Variants in PPP3R1 observed in about 807,000 individuals in gnomAD.
PPP3R1 encodes protein phosphatase 3 regulatory subunit B, alpha.
A neutral mutation model predicts 22.6 loss-of-function variants in PPP3R1; 5 were observed. The ratio of observed to expected loss-of-function variants is 0.22; its 90% CI spans 0.12 to 0.46. The LOEUF is 0.46. Ranked by LOEUF, PPP3R1 falls within the 20% of genes least tolerant of loss-of-function variation. The pLI, the probability that PPP3R1 is intolerant of heterozygous loss-of-function variation, is 0.99. For missense variants in PPP3R1, 61 were observed against 203.2 expected (o/e 0.30, Z 4.25); for synonymous variants, 56 against 65.2 (o/e 0.86, Z 0.68).
At chr2:68,187,419 C>G in intron 3 of PPP3R1, 105 bp from the exon 4 acceptor site, 1 of 966,512 alleles carries the variant, frequency 1.0e-6, no homozygotes, top group Non-Finnish European at 1.6e-6. Flanking sequence ...TGCTGCAAAA[C>G]AGAAGTACTA....
intron 5 of PPP3R1, among the ~76,000 whole-genome samples, chr2:68,185,283 T>TA (rs1674511544): frequency 1.3e-5 from 2 of 150,014 alleles, no homozygotes; most frequent in African/African-American, 4.9e-5. Context: ...ACTCGAAACT[T>TA]AGCTTATGTC....
At chr2:68,239,605 G>A (rs1572977201) in intron 1 of PPP3R1, among the ~76,000 whole-genome samples, 1 of 152,102 alleles carries the variant, frequency 6.6e-6, no homozygotes, top group Non-Finnish European at 1.5e-5. Flanking sequence ...GACTGGAGAA[G>A]AGAACGATGT....
intron 2 of PPP3R1, among the ~76,000 whole-genome samples, chr2:68,189,593 C>T (rs1468153674): frequency 6.6e-6 from 1 of 152,088 alleles, no homozygotes; most frequent in Non-Finnish European, 1.5e-5. Context: ...ACGGGCCAGG[C>T]GCAATGGCTC....
rs1572947055 is a variant in PPP3R1 at position 68,179,381 on chromosome 2, C to T, written c.*1582G>A. 1 of 152,750 alleles carries T rather than the reference C, an allele frequency of 6.5e-6. No homozygotes were observed. Among genetic ancestry groups the T allele is most frequent in the East Asian group, 1.9e-4 (1 of 5,192 alleles). The allele number at this position is 152,750 out of a possible 1,614,324, so 9.5% of individuals were successfully genotyped here. On this transcript the variant is annotated 3_prime_UTR_variant, in exon 6 of 6. Transcript: ENST00000234310. ...AAGAGGTACATTTTAAATTGATCTACATGCAAAACTCCATGTCATGCAAGG... is the reference window on the plus strand; with the variant it reads ...AAGAGGTACATTTTAAATTGATCTATATGCAAAACTCCATGTCATGCAAGG...
intron 1 of PPP3R1, among the ~76,000 whole-genome samples, chr2:68,228,216 C>G (rs1403717077): frequency 6.6e-6 from 1 of 152,152 alleles, no homozygotes; most frequent in East Asian, 1.9e-4. Flanking sequence ...AATAGTGAAC[C>G]AGCCTTGCAC....
At chr2:68,242,336 G>T (rs1337235699) in intron 1 of PPP3R1, among the ~76,000 whole-genome samples, 1 of 151,912 alleles carries the variant, frequency 6.6e-6, no homozygotes, top group Non-Finnish European at 1.5e-5. Context: ...TGAGGCAGGG[G>T]AATTGCTTGA....
intron 3 of PPP3R1, among the ~76,000 whole-genome samples, 165 bp from the exon 4 acceptor site, chr2:68,187,479 A>T (rs1418058974): frequency 1.3e-5 from 2 of 152,220 alleles, no homozygotes; most frequent in African/African-American, 4.8e-5. Context: ...TCAACAAACA[A>T]GGTCTCTCTG....
intron 1 of PPP3R1, among the ~76,000 whole-genome samples, chr2:68,238,536 T>C (rs1670058359): frequency 6.6e-6 from 1 of 152,182 alleles, no homozygotes; most frequent in African/African-American, 2.4e-5. Flanking sequence ...AGCCCGACTG[T>C]CATGCAAAAC....
intron 2 of PPP3R1, among the ~76,000 whole-genome samples, chr2:68,206,740 T>C (rs954652982): frequency 2.0e-5 from 3 of 152,194 alleles, no homozygotes; most frequent in African/African-American, 7.2e-5. Flanking sequence ...GTATTTCCCT[T>C]TTTCCCAGTG....
At chr2:68,184,863 C>T (rs1026715535) in intron 5 of PPP3R1, among the ~76,000 whole-genome samples, 21 of 152,160 alleles carry the variant, frequency 1.4e-4, no homozygotes, top group African/African-American at 4.6e-4. Context: ...TGAAATGGGA[C>T]GATCGCTTGA....
intron 2 of PPP3R1, among the ~76,000 whole-genome samples, chr2:68,203,568 T>A (rs759793690): frequency 4.0e-5 from 6 of 149,168 alleles, no homozygotes; most frequent in Non-Finnish European, 7.4e-5. Context: ...GCCATTGCAC[T>A]CCAGCCTGGG....
rs557505742 is a variant in PPP3R1, at chr2:68,232,138, C to T, written c.4-15007G>A. On this transcript the variant is annotated intron_variant, in intron 1 of 5. Coordinates refer to ENST00000234310, the MANE Select transcript of PPP3R1 (RefSeq NM_000945.4). ...ATATATATATATACACACACACACA[C>T]ATATATATGTATATATATATACATA... Among the ~76,000 whole-genome samples, 10 of 82,984 alleles carry T rather than the reference C, an allele frequency of 1.2e-4. 1 individual carries two copies. Among genetic ancestry groups the T allele is most frequent in the Non-Finnish European group, 1.8e-4 (8 of 43,394 alleles). The allele number at this position is 82,984 out of a possible 152,430, so 54.4% of individuals were successfully genotyped here.
At chr2:68,182,246 A>G (rs945225320) in intron 5 of PPP3R1, among the ~76,000 whole-genome samples, 2 of 152,202 alleles carry the variant, frequency 1.3e-5, no homozygotes, top group Non-Finnish European at 2.9e-5. Flanking sequence ...CAAACTAAAA[A>G]AATAGTCCCT....
rs2103709679 is a variant in PPP3R1, at chr2:68,180,909, T to A, written c.*54A>T. 3 of 1,520,990 alleles carry A rather than the reference T, an allele frequency of 2.0e-6. No homozygotes were observed. Among genetic ancestry groups the A allele is most frequent in the East Asian group, 4.5e-5 (2 of 44,370 alleles). The allele number at this position is 1,520,990 out of a possible 1,614,324, so 94.2% of individuals were successfully genotyped here. On this transcript the variant is annotated 3_prime_UTR_variant, in exon 6 of 6. Coordinates refer to ENST00000234310, the MANE Select transcript of PPP3R1 (RefSeq NM_000945.4). ...AGCATTGCTGGACGTCTTGAGCAGA[T>A]CTTCAGAGATGGAGAAGAAAGCAAA...
Position 68,245,141 on chromosome 2 carries a change from T to G in PPP3R1, c.3+6984A>C, listed in dbSNP as rs577604876. On this transcript the variant is annotated intron_variant, in intron 1 of 5. Coordinates refer to ENST00000234310, the MANE Select transcript of PPP3R1 (RefSeq NM_000945.4). ...ATCCCAGCACTCTGGGAGGCTAAGG[T>G]GGGCAGACTGCTTGAGCTCAGGAGT... Among the ~76,000 whole-genome samples, 5 of 152,216 alleles carry G rather than the reference T, an allele frequency of 3.3e-5. No homozygotes were observed. The South Asian group carries it at 1.0e-3, about 32-fold the overall frequency.
In PPP3R1 at chr2:68,249,725, T is replaced by G. The variant is rs115504807; in HGVS notation, c.3+2400A>C. On this transcript the variant is annotated intron_variant, in intron 1 of 5. Transcript: ENST00000234310. Reference sequence around the variant, plus strand: ...TGAAGGGAGGGAAAGACTTTAACTTTCAGGAAAAAAAAAAATAAACTACGT... The same window carrying G: ...TGAAGGGAGGGAAAGACTTTAACTTGCAGGAAAAAAAAAAATAAACTACGT... Among the ~76,000 whole-genome samples the G allele has an allele frequency of 5.6e-4, 84 of 149,184 alleles. 1 individual carries two copies. The East Asian group carries it at 0.016, about 29-fold the overall frequency.
chr2:68,217,141 A>C lies in PPP3R1; in HGVS notation c.4-10T>G, dbSNP rs375434501. 22 of 1,578,266 alleles carry C rather than the reference A, an allele frequency of 1.4e-5. No homozygotes were observed. The African/African-American group carries it at 2.8e-4, about 20-fold the overall frequency. ...AACTTGCCTCATTTCCCTGGGGGGA[A>C]AGAAAGAAATAATTAGTCATAAAAT... On this transcript the variant is annotated splice_polypyrimidine_tract_variant and intron_variant, in intron 1 of 5. Coordinates refer to ENST00000234310, the MANE Select transcript of PPP3R1 (RefSeq NM_000945.4).
intron 2 of PPP3R1, among the ~76,000 whole-genome samples, chr2:68,215,568 G>C (rs1273147193): frequency 6.6e-6 from 1 of 152,112 alleles, no homozygotes; most frequent in Non-Finnish European, 1.5e-5. Context: ...GTATATCTGT[G>C]GCAGAAATAA....
At chr2:68,197,959 G>A (rs1413065750) in intron 2 of PPP3R1, among the ~76,000 whole-genome samples, 1 of 144,594 alleles carries the variant, frequency 6.9e-6, no homozygotes, top group Non-Finnish European at 1.5e-5. Context: ...TACGTTATAT[G>A]CCTTTTAAAT....
Sources: allele counts gnomAD v4.1 joint callset (sites outside exome capture counted in the v4.1 genomes callset), GRCh38; gene constraint gnomAD v4.1.1; transcripts MANE v1.5; gene names NCBI Gene and HGNC (gene_info 2026-07-23, HGNC 2026-07-21).